PIAS2: variants seen among roughly 807,000 people sequenced by gnomAD.
PIAS2 encodes the protein E3 SUMO-protein ligase PIAS2.
A neutral mutation model predicts 69.7 loss-of-function variants in PIAS2; 19 were observed. The ratio of observed to expected loss-of-function variants is 0.27; its 90% CI spans 0.19 to 0.40. PIAS2 has a LOEUF of 0.40. Ranked by LOEUF, PIAS2 falls within the 10% of genes least tolerant of loss-of-function variation. PIAS2 has a pLI of 1.00. For missense variants in PIAS2, 624 were observed against 757.0 expected, an observed-to-expected ratio of 0.82 and a Z score of 2.06; for synonymous variants, 261 against 263.2, an observed-to-expected ratio of 0.99 and a Z score of 0.08.
rs1293917978 is a variant in PIAS2 at position 46,809,368 on chromosome 18, TCAGGCACGAAACTA to T, written c.*3051_*3064del. The stretch of plus-strand genomic sequence containing the variant: ...GAAAGTGAGTGAGTGACAACAGACC[TCAGGCACGAAACTA>T]TTTTCAGCACCAATTACACTGTGGG... On this transcript the variant is annotated 3_prime_UTR_variant, in exon 14 of 14. Coordinates refer to ENST00000585916, the MANE Select transcript of PIAS2 (RefSeq NM_004671.5). The T allele has an allele frequency of 6.6e-6, 1 of 152,138 alleles. No individual in the cohort carries two copies. The highest frequency in any genetic ancestry group is 2.4e-5 in the African/African-American group (1 of 41,414). The allele number at this position is 152,138 out of a possible 1,614,324, so 9.4% of individuals were successfully genotyped here. A position where few individuals can be genotyped will look rare whatever the true frequency, so the allele number is the denominator to read the frequency against.
intron 12 of PIAS2, chr18:46,816,717 C>T: frequency 2.5e-6 from 2 of 808,032 alleles, no homozygotes; most frequent in Non-Finnish European, 3.0e-6. Flanking sequence ...ATCCTCCCGC[C>T]TCAGCCTCCC....
intron 2 of PIAS2, among the ~76,000 whole-genome samples, chr18:46,876,588 C>T (rs2051227619): frequency 6.6e-6 from 1 of 152,088 alleles, no homozygotes; most frequent in Non-Finnish European, 1.5e-5. Flanking sequence ...TACTTTTATA[C>T]CTAATAATAC....
chr18:46,874,662 C>T (rs892599178), intron 2 of PIAS2, among the ~76,000 whole-genome samples: 2 of 152,122 alleles, frequency 1.3e-5, no homozygotes, highest in African/African-American at 2.4e-5. Context: ...AAATGCTATA[C>T]GGGTTGCCTT....
intron 1 of PIAS2, among the ~76,000 whole-genome samples, chr18:46,911,099 C>T (rs922895688): frequency 3.3e-5 from 5 of 152,000 alleles, no homozygotes; most frequent in Non-Finnish European, 7.4e-5. Flanking sequence ...GCCAAGACTC[C>T]GGAAAGTCTA....
At chr18:46,818,377 T>C in intron 12 of PIAS2, 1 of 1,549,020 alleles carries the variant, frequency 6.5e-7, no homozygotes, top group South Asian at 1.3e-5. Flanking sequence ...TATTTTGTAT[T>C]CACTGTTGCA....
chr18:46,901,408 C>CA (rs1259496191), intron 1 of PIAS2: 47 of 157,252 alleles, frequency 3.0e-4, no homozygotes, highest in South Asian at 1.9e-3. Context: ...AAACTGTCTC[C>CA]AAAAAAAAAT....
rs1208594794 is a variant in PIAS2, at chr18:46,820,992, G to C, written c.1589C>G (p.Thr530Arg). The C allele has an allele frequency of 6.2e-7, 1 of 1,613,540 alleles. No homozygotes were observed. The highest frequency in any genetic ancestry group is 1.1e-5 in the South Asian group (1 of 91,056). ...ATGGTGGAATGGTACTGAGTAGTCT[G>C]TTAATGAAGGCGGAATAGCAGCAGG... is the stretch of plus-strand genomic sequence containing the variant. Reference protein sequence around the residue: ...VDPAAIPPSLTDYSVPFHHTP... With the variant: ...VDPAAIPPSLRDYSVPFHHTP... The change falls in exon 12 of 14, where the codon ACA becomes AGA. Residue 530 changes from threonine (T) to arginine (R), a missense_variant. Around this residue, in one of 3 missense-constraint regions of PIAS2, gnomAD observed 241 missense variants for 257.3 expected, o/e 0.94. Transcript: ENST00000585916.
intron 1 of PIAS2, among the ~76,000 whole-genome samples, chr18:46,911,146 T>C (rs2057215221): frequency 1.3e-5 from 2 of 151,770 alleles, no homozygotes; most frequent in Admixed American, 1.3e-4. Flanking sequence ...TGAGAACCCA[T>C]TATAATATTA....
At chr18:46,817,806 T>C (rs2041719155) in intron 12 of PIAS2, 11 of 957,858 alleles carry the variant, frequency 1.1e-5, no homozygotes, top group Non-Finnish European at 1.4e-5. Flanking sequence ...TGTTATTCTT[T>C]CTAACAAAAA....
Position 46,827,989 on chromosome 18 carries a change from A to G in PIAS2, c.1478T>C (p.Met493Thr), listed in dbSNP as rs748130134. The change falls in exon 11 of 14, where the codon ATG (methionine) becomes ACG (threonine). Residue 493 changes from methionine (M) to threonine (T), a missense_variant. Around this residue, in one of 3 missense-constraint regions of PIAS2, gnomAD observed 241 missense variants for 257.3 expected, o/e 0.94. Transcript: ENST00000585916. Reference protein sequence around the residue: ...DPPAKRKCIFMSETQSSPTKG... With the variant: ...DPPAKRKCIFTSETQSSPTKG... ...GGTTGGGCTGCTTTGTGTTTCTGAC[A>G]TAAAGATGCATTTCCTTTTGGCAGG... The G allele has an allele frequency of 1.1e-5, 18 of 1,613,770 alleles. No homozygotes were observed. The highest frequency in any genetic ancestry group is 1.4e-5 in the Non-Finnish European group (17 of 1,179,852).
chr18:46,816,466 T>C, intron 12 of PIAS2: 1 of 983,816 alleles, frequency 1.0e-6, no homozygotes, highest in Non-Finnish European at 1.2e-6. Flanking sequence ...AAATTGTTGC[T>C]ACAGATTTTT....
chr18:46,851,992 CA>C (rs896483501), intron 5 of PIAS2, among the ~76,000 whole-genome samples: 8 of 152,158 alleles, frequency 5.3e-5, no homozygotes, highest in African/African-American at 1.9e-4. Context: ...GACCACCTAT[CA>C]AATTTCTTTT....
At chr18:46,861,132 T>C (rs570272757) in intron 3 of PIAS2, among the ~76,000 whole-genome samples, 8 of 151,852 alleles carry the variant, frequency 5.3e-5, no homozygotes, top group African/African-American at 1.4e-4. Context: ...ATACAAAAAT[T>C]AGCCAGGCAT....
chr18:46,864,662 T>C (rs1432568267), intron 2 of PIAS2, among the ~76,000 whole-genome samples: 1 of 151,106 alleles, frequency 6.6e-6, no homozygotes, highest in Non-Finnish European at 1.5e-5. Flanking sequence ...GCCAGCTACA[T>C]GGGAGGCGGA....
intron 2 of PIAS2, among the ~76,000 whole-genome samples, chr18:46,874,580 C>T (rs919312521): frequency 2.6e-5 from 4 of 152,154 alleles, no homozygotes; most frequent in Admixed American, 2.6e-4. Flanking sequence ...CTACCATGGA[C>T]CAAATGCCTT....
At position 46,807,384 on chromosome 18, in the gene PIAS2, T is replaced by TATATATATATATATA. The variant is rs1491456025; in HGVS notation, c.*5048_*5049insTATATATATATATAT. ...ATATATATATATATATATATATATA[T>TATATATATATATATA]TTTTTTTTTTTTTTTTTTTTTTTTT... On this transcript the variant is annotated 3_prime_UTR_variant, in exon 14 of 14. Coordinates refer to ENST00000585916, the MANE Select transcript of PIAS2 (RefSeq NM_004671.5). The TATATATATATATATA allele has an allele frequency of 1.8e-3, 34 of 18,606 alleles. No individual in the cohort carries two copies. The highest frequency in any genetic ancestry group is 6.8e-3 in the South Asian group (3 of 438). 1.2% of individuals were successfully genotyped at this position (18,606 alleles called of 1,614,324 possible). A position where few individuals can be genotyped will look rare whatever the true frequency, so the allele number is the denominator to read the frequency against.
At chr18:46,861,059 C>T (rs901385748) in intron 3 of PIAS2, among the ~76,000 whole-genome samples, 4 of 152,114 alleles carry the variant, frequency 2.6e-5, no homozygotes, top group Non-Finnish European at 5.9e-5. Context: ...GCAGGCGGAT[C>T]ACCTGAGGTC....
chr18:46,805,098 G>C lies in PIAS2; in HGVS notation c.*7335C>G, dbSNP rs1208161331. Reference sequence around the variant, plus strand: ...CTGTCCCTTCTGTTTGAATTAAGCAGCAAAGTCATCTTCTGAGAAGGAAGT... The same window carrying C: ...CTGTCCCTTCTGTTTGAATTAAGCACCAAAGTCATCTTCTGAGAAGGAAGT... On this transcript the variant is annotated 3_prime_UTR_variant, in exon 14 of 14. Coordinates refer to ENST00000585916, the MANE Select transcript of PIAS2 (RefSeq NM_004671.5). The C allele has an allele frequency of 6.6e-6, 1 of 152,210 alleles. No individual in the cohort carries two copies. The highest frequency in any genetic ancestry group is 1.5e-5 in the Non-Finnish European group (1 of 68,056). The allele number at this position is 152,210 out of a possible 1,614,324, so 9.4% of individuals were successfully genotyped here.
intron 10 of PIAS2, 143 bp downstream of exon 10, chr18:46,829,591 A>G: frequency 1.4e-6 from 1 of 694,052 alleles, no homozygotes; most frequent in South Asian, 2.3e-5. Context: ...GGAAAGAATA[A>G]AAATCATTTG....
Sources: allele counts gnomAD v4.1 joint callset (sites outside exome capture counted in the v4.1 genomes callset), GRCh38; gene constraint gnomAD v4.1.1; regional missense constraint gnomAD v4.1.1; transcripts MANE v1.5; gene names NCBI Gene and HGNC (gene_info 2026-07-23, HGNC 2026-07-21).